Variants in CEP104 observed in about 807,000 individuals in gnomAD.
CEP104 encodes centrosomal protein 104.
In CEP104, 84 loss-of-function variants were observed where a neutral mutation model predicts 113.3. That is an observed-to-expected ratio of 0.74 (90% CI 0.62 to 0.89). The LOEUF is 0.89. Among genes scored for constraint, CEP104 ranks in the 40% least tolerant of loss-of-function variants. The pLI is 0.00. For missense variants in CEP104, 1,053 were observed against 1,156.6 expected (o/e 0.91, Z 1.30); for synonymous variants, 378 against 421.7 (o/e 0.90, Z 1.27).
Position 3,819,412 on chromosome 1 carries a change from A to G in CEP104, c.2572-3042T>C, listed in dbSNP as rs1643929095. Among the ~76,000 whole-genome samples, 1 of 152,212 alleles carries G rather than the reference A, an allele frequency of 6.6e-6. No homozygotes were observed. Among genetic ancestry groups the G allele is most frequent in the Non-Finnish European group, 1.5e-5 (1 of 68,036 alleles). ...CAGATGGTTGCAGAACCCTGAATAC[A>G]TGAAAACCCACTATCTGTCCACGGG... On this transcript the variant is annotated intron_variant, in intron 20 of 21. Transcript: ENST00000378230. The surrounding 1 kb of genome is among the most constrained non-coding windows in gnomAD (Gnocchi z 4.6).
At chr1:3,833,792 T>G in intron 12 of CEP104, 70 bp downstream of exon 12, 2 of 1,456,294 alleles carry the variant, frequency 1.4e-6, no homozygotes, top group South Asian at 1.2e-5. Context: ...TAAAAGGTGT[T>G]AAGAAAGCCA....
At chr1:3,816,673 AC>A (rs1643885692) in intron 20 of CEP104, among the ~76,000 whole-genome samples, 1 of 152,258 alleles carries the variant, frequency 6.6e-6, no homozygotes, top group South Asian at 2.1e-4. Flanking sequence ...CAGAGCGTGC[AC>A]GCAAATGCAA....
Position 3,856,977 on chromosome 1 carries a change from C to CG in CEP104, c.-104dup, listed in dbSNP as rs1000565135. ...GGAGCGGTGCCGCGGCCCGGGGAGGCGGCCAGGCGGCGCCTCAGCACCCGG... is the reference window on the plus strand; with the variant it reads ...GGAGCGGTGCCGCGGCCCGGGGAGGCGGGCCAGGCGGCGCCTCAGCACCCGG... On this transcript the variant is annotated 5_prime_UTR_variant, in exon 1 of 22. Transcript: ENST00000378230. 2.0e-5 allele frequency: 3 copies of CG among 152,070 alleles called. No homozygotes were observed. Among genetic ancestry groups the CG allele is most frequent in the Admixed American group, 2.0e-4 (3 of 15,268 alleles). 9.4% of individuals were successfully genotyped at this position (152,070 alleles called of 1,614,324 possible). A position where few individuals can be genotyped will look rare whatever the true frequency, so the allele number is the denominator to read the frequency against.
chr1:3,847,411 G>A lies in CEP104; in HGVS notation c.426+64C>T, dbSNP rs1644527159. On this transcript the variant is annotated intron_variant, in intron 4 of 21. Transcript: ENST00000378230. Reference sequence around the variant, plus strand: ...TGAAAATGCATCTAAGAAAAGATACGTGACCACATAATCCCACAAAGAAGG... The same window carrying A: ...TGAAAATGCATCTAAGAAAAGATACATGACCACATAATCCCACAAAGAAGG... 4.9e-6 allele frequency: 7 copies of A among 1,430,356 alleles called. No individual in the cohort carries two copies. The South Asian group carries it at 8.2e-5, about 17-fold the overall frequency. The allele number at this position is 1,430,356 out of a possible 1,614,324, so 88.6% of individuals were successfully genotyped here. A position where few individuals can be genotyped will look rare whatever the true frequency, so the allele number is the denominator to read the frequency against.
intron 1 of CEP104, among the ~76,000 whole-genome samples, chr1:3,854,635 ATTTTTTTT>A (rs34466194): frequency 1.6e-5 from 2 of 126,120 alleles, no homozygotes; most frequent in African/African-American, 6.1e-5. Context: ...TGCCTGGCTA[ATTTTTTTT>A]TTTTTTTTTT....
intron 20 of CEP104, among the ~76,000 whole-genome samples, chr1:3,822,090 G>A (rs960893570): frequency 3.3e-5 from 5 of 152,242 alleles, no homozygotes; most frequent in Admixed American, 6.5e-5. Flanking sequence ...AGGGGAGCAC[G>A]TGGGGGCACG....
chr1:3,848,676 C>A lies in CEP104; in HGVS notation c.219G>T (p.Glu73Asp). The A allele has an allele frequency of 3.1e-6, 5 of 1,613,928 alleles. No individual in the cohort carries two copies. Among genetic ancestry groups the A allele is most frequent in the Non-Finnish European group, 4.2e-6 (5 of 1,179,928 alleles). Residue 73 changes from glutamate to aspartate, a missense_variant, in exon 3 of 22, where the codon GAG becomes GAT. By Grantham distance (45) the Glu-to-Asp change is conservative. Transcript: ENST00000378230. Reference sequence around the variant, plus strand: ...CAGGCAAGCTTTCACTAATGTAGAACTCAATTTTACTTGAAATCATATACT... The same window carrying A: ...CAGGCAAGCTTTCACTAATGTAGAAATCAATTTTACTTGAAATCATATACT... ...AHQYMISSKI[E>D]FYISESLPEY... is the part of the protein sequence containing the mutation.
intron 8 of CEP104, among the ~76,000 whole-genome samples, chr1:3,837,841 C>T (rs144956997): frequency 6.6e-5 from 10 of 152,348 alleles, no homozygotes; most frequent in African/African-American, 9.6e-5. Context: ...TGCAGGAGCA[C>T]GGTGGTGTGG....
At chr1:3,850,956 G>A (rs978306882) in intron 2 of CEP104, among the ~76,000 whole-genome samples, 10 of 152,340 alleles carry the variant, frequency 6.6e-5, no homozygotes, top group East Asian at 1.9e-4. Flanking sequence ...TGCTGTGAGC[G>A]TACAGGACCT....
chr1:3,827,749 G>A (rs1328806625), intron 15 of CEP104, among the ~76,000 whole-genome samples: 4 of 152,182 alleles, frequency 2.6e-5, no homozygotes, highest in Non-Finnish European at 5.9e-5. Context: ...CCCTGTGTGG[G>A]GCGCAGGTCT....
chr1:3,845,559 C>T (rs1644491679), intron 4 of CEP104, among the ~76,000 whole-genome samples: 1 of 152,046 alleles, frequency 6.6e-6, no homozygotes, highest in Admixed American at 6.6e-5. Flanking sequence ...GTGTGAGCCA[C>T]CATGCCCTGC....
intron 20 of CEP104, among the ~76,000 whole-genome samples, chr1:3,817,455 A>C (rs1245305078): frequency 6.6e-6 from 1 of 151,970 alleles, no homozygotes; most frequent in Non-Finnish European, 1.5e-5. Context: ...TCTCACTCTC[A>C]CCAGTGGCTG....
At chr1:3,839,214 C>T in intron 7 of CEP104, 95 bp from the exon 8 acceptor site, 1 of 1,113,228 alleles carries the variant, frequency 9.0e-7, no homozygotes, top group Non-Finnish European at 1.4e-6. Flanking sequence ...AACCGTCTTG[C>T]AAGGAGAGGG....
intron 3 of CEP104, among the ~76,000 whole-genome samples, chr1:3,848,172 C>A (rs1160758280): frequency 6.6e-6 from 1 of 152,104 alleles, no homozygotes; most frequent in Non-Finnish European, 1.5e-5. Context: ...TGTTAAGAAA[C>A]TGTGTACTCT....
intron 20 of CEP104, among the ~76,000 whole-genome samples, chr1:3,820,494 C>T (rs1258179914): frequency 6.9e-6 from 1 of 145,642 alleles, no homozygotes; most frequent in Non-Finnish European, 1.5e-5. Context: ...GGCAGGACGG[C>T]GCCTCTGTCT....
chr1:3,840,749 A>T (rs1031669902), intron 6 of CEP104, among the ~76,000 whole-genome samples: 4 of 152,152 alleles, frequency 2.6e-5, no homozygotes, highest in Non-Finnish European at 5.9e-5. Context: ...CATGTTAGCC[A>T]GGTTGGTCTG....
At chr1:3,847,176 T>C (rs1356341278) in intron 4 of CEP104, among the ~76,000 whole-genome samples, 1 of 152,222 alleles carries the variant, frequency 6.6e-6, no homozygotes, top group African/African-American at 2.4e-5. Context: ...CACATACAAT[T>C]GACATAAAAG....
chr1:3,817,423 C>A (rs1221279501), intron 20 of CEP104, among the ~76,000 whole-genome samples: 1 of 152,182 alleles, frequency 6.6e-6, no homozygotes, highest in East Asian at 1.9e-4. Flanking sequence ...CCAGACACAG[C>A]CCTGCTTCTC....
chr1:3,842,012 G>C (rs1211963151), intron 6 of CEP104, among the ~76,000 whole-genome samples: 1 of 152,230 alleles, frequency 6.6e-6, no homozygotes, highest in Non-Finnish European at 1.5e-5. Flanking sequence ...CAGCTTGAAG[G>C]ATGGGAAGAG....
Sources: gnomAD v4.1 joint callset for allele counts (sites outside exome capture counted in the v4.1 genomes callset) on GRCh38, gnomAD v4.1.1 for gene constraint, Gnocchi (gnomAD v3.1) non-coding constraint, MANE v1.5 for transcripts, NCBI Gene and HGNC (gene_info 2026-07-23, HGNC 2026-07-21) for gene names.